Variants in DLGAP2 observed in about 807,000 individuals in gnomAD.
DLGAP2 encodes DLG associated protein 2, also known as disks large-associated protein 2.
DLGAP2 carries 26 observed loss-of-function variants against 100.3 expected under a neutral mutation model. That is an observed-to-expected ratio of 0.26 (90% CI 0.19 to 0.36). The LOEUF (loss-of-function observed/expected upper bound fraction) is 0.36, where lower values mean the gene tolerates loss of function less well. DLGAP2 is among the 10% of genes least tolerant of loss of function. The pLI is 1.00. For synonymous variants in DLGAP2, 886 were observed against 630.1 expected, an observed-to-expected ratio of 1.41 and a Z score of -6.08; for missense variants, 1,858 against 1,453.2, an observed-to-expected ratio of 1.28 and a Z score of -4.53.
rs189170334 is a variant in DLGAP2, at chr8:1,696,446, G to A, written c.2797-701G>A. On this transcript the variant is annotated intron_variant, in intron 13 of 14. Coordinates refer to ENST00000637795, the MANE Select transcript of DLGAP2 (RefSeq NM_001346810.2). ...GCCCAGGAGGTAGAGGCTGCAGTGA[G>A]CCATGATCACACCTGTGCTCCAGCC... Among the ~76,000 whole-genome samples the A allele has an allele frequency of 1.6e-3, 246 of 152,300 alleles. 3 individuals carry two copies. Among genetic ancestry groups the A allele is most frequent in the Admixed American group, 0.014 (215 of 15,296 alleles).
intron 1 of DLGAP2, among the ~76,000 whole-genome samples, chr8:802,240 T>C (rs112458001): frequency 0.04 from 1,632 of 40,578 alleles, 34 homozygotes; most frequent in African/African-American, 0.14. Flanking sequence ...GGGAATGGTC[T>C]GCACTCCTCC....
intron 2 of DLGAP2, among the ~76,000 whole-genome samples, chr8:1,160,482 CTT>C (rs780552704): frequency 1.2e-4 from 19 of 152,162 alleles, no homozygotes; most frequent in Non-Finnish European, 2.4e-4. Flanking sequence ...CTAGGGGAGT[CTT>C]TTGTGGTCAT....
At chr8:1,147,153 A>T (rs1478067555) in intron 2 of DLGAP2, among the ~76,000 whole-genome samples, 1 of 152,150 alleles carries the variant, frequency 6.6e-6, no homozygotes, top group Non-Finnish European at 1.5e-5. Context: ...GGGCCCTCTG[A>T]AGTTTCTCCC....
intron 3 of DLGAP2, among the ~76,000 whole-genome samples, chr8:1,303,303 A>G (rs1206687091): frequency 1.3e-5 from 2 of 151,332 alleles, no homozygotes; most frequent in African/African-American, 4.8e-5. Context: ...AGGCTGAGGC[A>G]GGAGAATCGT....
In DLGAP2 at chr8:1,163,757, C is replaced by CA. The variant is rs1238751664; in HGVS notation, c.74-95093dup. Among the ~76,000 whole-genome samples the CA allele has an allele frequency of 9.8e-5, 15 of 152,306 alleles. No homozygotes were observed. In the East Asian group the frequency reaches 2.7e-3, roughly 28 times the overall value. ...GGGAGTAACGCGGCCGCCGCGGGTG[C>CA]AGGACTTTCCTGCCTTCTGTTTTCT... On this transcript the variant is annotated intron_variant, in intron 2 of 14. Coordinates refer to ENST00000637795, the MANE Select transcript of DLGAP2 (RefSeq NM_001346810.2).
chr8:1,075,008 C>T (rs1803560579), intron 2 of DLGAP2, among the ~76,000 whole-genome samples: 1 of 151,826 alleles, frequency 6.6e-6, no homozygotes, highest in African/African-American at 2.4e-5. Flanking sequence ...AACAGTGCAG[C>T]CAGGGGTGGA....
chr8:1,578,341 G>C (rs937733292), intron 6 of DLGAP2, among the ~76,000 whole-genome samples: 1 of 152,188 alleles, frequency 6.6e-6, no homozygotes, highest in Non-Finnish European at 1.5e-5. Flanking sequence ...TAATGTGATA[G>C]GTATGGGTTC....
intron 3 of DLGAP2, among the ~76,000 whole-genome samples, chr8:1,370,640 C>T (rs1483558246): frequency 1.3e-5 from 2 of 152,320 alleles, no homozygotes; most frequent in South Asian, 4.1e-4. Flanking sequence ...AGCTGTCACA[C>T]CCAATGAGGA....
At chr8:936,840 G>C (rs1430518603) in intron 2 of DLGAP2, among the ~76,000 whole-genome samples, 1 of 152,228 alleles carries the variant, frequency 6.6e-6, no homozygotes, top group Non-Finnish European at 1.5e-5. Flanking sequence ...GAATAAAAGT[G>C]CTGACCAGGA....
At chr8:756,206 G>A (rs1049257594) in intron 1 of DLGAP2, among the ~76,000 whole-genome samples, 4 of 152,062 alleles carry the variant, frequency 2.6e-5, no homozygotes, top group African/African-American at 7.2e-5. Flanking sequence ...GCTGGCGTCT[G>A]GGGGGGATAC....
rs1178944878 is a variant in DLGAP2, at chr8:1,247,336, G to T, written c.74-11515G>T. Among the ~76,000 whole-genome samples the T allele has an allele frequency of 2.8e-5, 4 of 143,744 alleles. 2 individuals are homozygous for T. The South Asian group carries it at 9.6e-4, about 34-fold the overall frequency. 94.3% of individuals were successfully genotyped at this position (143,744 alleles called of 152,430 possible). On this transcript the variant is annotated intron_variant, in intron 2 of 14. Transcript: ENST00000637795. ...AGTGTGGGAGTGATGGTCCACATCG[G>T]TGGCCAGCAAGACCTTTGACATCAG...
At chr8:1,424,259 T>G (rs140705459) in intron 3 of DLGAP2, among the ~76,000 whole-genome samples, 1 of 152,136 alleles carries the variant, frequency 6.6e-6, no homozygotes, top group Non-Finnish European at 1.5e-5. Flanking sequence ...CAAAAGGGGG[T>G]CCCTTCTGTA....
intron 2 of DLGAP2, among the ~76,000 whole-genome samples, chr8:1,117,569 G>C (rs977587357): frequency 6.6e-6 from 1 of 152,192 alleles, no homozygotes; most frequent in African/African-American, 2.4e-5. Flanking sequence ...GAAGAAACAG[G>C]CTCATGGTGG....
At chr8:1,037,893 G>C (rs1802181713) in intron 2 of DLGAP2, among the ~76,000 whole-genome samples, 1 of 152,190 alleles carries the variant, frequency 6.6e-6, no homozygotes, top group Non-Finnish European at 1.5e-5. Flanking sequence ...AGCAGGCCTG[G>C]TGTGAGCCCG....
chr8:1,599,725 G>A (rs1387034438), intron 6 of DLGAP2, among the ~76,000 whole-genome samples: 1 of 152,050 alleles, frequency 6.6e-6, no homozygotes, highest in Non-Finnish European at 1.5e-5. Context: ...CCGTTTGCTT[G>A]GTAAATATTC....
chr8:1,299,168 G>A (rs1282471073), intron 3 of DLGAP2, among the ~76,000 whole-genome samples: 2 of 152,236 alleles, frequency 1.3e-5, no homozygotes, highest in Admixed American at 6.5e-5. Context: ...AATGCAAGAT[G>A]GCATTTCAGG....
intron 2 of DLGAP2, among the ~76,000 whole-genome samples, chr8:1,204,540 T>C (rs776677775): frequency 6.6e-5 from 10 of 151,184 alleles, no homozygotes; most frequent in Non-Finnish European, 1.5e-4. Context: ...CAAAGAACAC[T>C]TGTGTGTGTG....
chr8:1,425,355 T>C (rs981579123), intron 3 of DLGAP2, among the ~76,000 whole-genome samples: 1 of 152,184 alleles, frequency 6.6e-6, no homozygotes, highest in Non-Finnish European at 1.5e-5. Flanking sequence ...TGTTAACATC[T>C]AGCATCTTCC....
At position 1,154,163 on chromosome 8, in the gene DLGAP2, G is replaced by A. The variant is rs531098874; in HGVS notation, c.74-104688G>A. ...GCTTCATGTGGATATTGTAAAGATC[G>A]AATGCCTCGAGGTAATGTAAGGGGT... On this transcript the variant is annotated intron_variant, in intron 2 of 14. Coordinates refer to ENST00000637795, the MANE Select transcript of DLGAP2 (RefSeq NM_001346810.2). 3.3e-5 allele frequency among the ~76,000 whole-genome samples: 5 copies of A among 152,214 alleles called. No homozygotes were observed. In the East Asian group the frequency reaches 5.8e-4, roughly 18 times the overall value.
Sources: gnomAD v4.1 joint callset for allele counts (sites outside exome capture counted in the v4.1 genomes callset) on GRCh38, gnomAD v4.1.1 for gene constraint, MANE v1.5 for transcripts, NCBI Gene and HGNC (gene_info 2026-07-23, HGNC 2026-07-21) for gene names.